ATAD2B: variants seen among roughly 807,000 people sequenced by gnomAD.
ATAD2B encodes the protein ATPase family AAA domain-containing protein 2B.
In ATAD2B, 40 loss-of-function variants were observed where a neutral mutation model predicts 167.6. The ratio of observed to expected loss-of-function variants is 0.24; its 90% CI spans 0.19 to 0.31. The LOEUF (loss-of-function observed/expected upper bound fraction) is 0.31, where lower values mean the gene tolerates loss of function less well. Among genes scored for constraint, ATAD2B ranks in the 10% least tolerant of loss-of-function variants. The pLI, the probability that ATAD2B is intolerant of heterozygous loss-of-function variation, is 1.00. For synonymous variants in ATAD2B, 579 were observed against 596.5 expected, an observed-to-expected ratio of 0.97 and a Z score of 0.43; for missense variants, 1,242 against 1,757.2, an observed-to-expected ratio of 0.71 and a Z score of 5.24.
At chr2:23,781,337 T>A (rs200033798) in intron 22 of ATAD2B, among the ~76,000 whole-genome samples, 1,534 of 114,014 alleles carry the variant, frequency 0.013, 7 homozygotes, top group Middle Eastern at 0.027. Flanking sequence ...CACAAAAAAA[T>A]AAATAAATAA....
At chr2:23,698,817 G>A in the ATAD2B span, among the ~76,000 whole-genome samples, 7 of 152,148 alleles carry the variant, frequency 4.6e-5, no homozygotes, top group Non-Finnish European at 1.5e-5. Context: ...GCTGACGGGA[G>A]GGCTCATGGC....
At chr2:23,807,815 TAAA>T (rs375966207) in intron 18 of ATAD2B, among the ~76,000 whole-genome samples, 14,708 of 119,224 alleles carry the variant, frequency 0.12, 952 homozygotes, top group Middle Eastern at 0.23. Flanking sequence ...GACTCCATCT[TAAA>T]AAAAAAAAAA....
At chr2:23,795,717 T>A (rs185337920) in intron 19 of ATAD2B, among the ~76,000 whole-genome samples, 150 of 148,688 alleles carry the variant, frequency 1.0e-3, no homozygotes, top group African/African-American at 3.6e-3. Context: ...CCATCTCTAC[T>A]AAAATACAAA....
intron 8 of ATAD2B, chr2:23,873,015 G>A: frequency 4.4e-6 from 3 of 686,416 alleles, no homozygotes; most frequent in East Asian, 2.6e-5. Context: ...AGGTGGCCAT[G>A]GCAGCGGGCT....
chr2:23,908,252 G>A (rs1372849762), intron 1 of ATAD2B, among the ~76,000 whole-genome samples: 3 of 151,892 alleles, frequency 2.0e-5, no homozygotes, highest in Non-Finnish European at 4.4e-5. Flanking sequence ...CTGACAAAGG[G>A]CTAATATCCA....
At chr2:23,848,637 T>C (rs1049796015) in intron 13 of ATAD2B, among the ~76,000 whole-genome samples, 3 of 152,138 alleles carry the variant, frequency 2.0e-5, no homozygotes, top group Non-Finnish European at 2.9e-5. Context: ...CTAAAGTTAC[T>C]ATGAAAATAA....
intron 22 of ATAD2B, among the ~76,000 whole-genome samples, chr2:23,767,284 G>A (rs767793674): frequency 2.0e-5 from 3 of 151,966 alleles, no homozygotes; most frequent in Non-Finnish European, 4.4e-5. Context: ...TTAGCCAATC[G>A]GAATTAGTTT....
At position 23,857,513 on chromosome 2, in the gene ATAD2B, AG is replaced by A; in HGVS notation, c.1480-11del. ...GTCTCATCAAATATGCCTAGTAAGA[AG>A]AAAACAAATAATATTTATTGTATTT... On this transcript the variant is annotated splice_polypyrimidine_tract_variant and intron_variant, in intron 12 of 27. Transcript: ENST00000238789. The A allele has an allele frequency of 8.3e-7, 1 of 1,209,830 alleles. No homozygotes were observed. The highest frequency in any genetic ancestry group is 1.6e-5 in the African/African-American group (1 of 62,414). The allele number at this position is 1,209,830 out of a possible 1,614,324, so 74.9% of individuals were successfully genotyped here. A position where few individuals can be genotyped will look rare whatever the true frequency, so the allele number is the denominator to read the frequency against.
intron 22 of ATAD2B, among the ~76,000 whole-genome samples, chr2:23,778,731 T>C (rs557167924): frequency 6.6e-6 from 1 of 152,298 alleles, no homozygotes; most frequent in East Asian, 1.9e-4. Context: ...CTTACAACCA[T>C]CCCATTTAAG....
At chr2:23,880,565 A>G (rs1697730505) in intron 7 of ATAD2B, 74 bp downstream of exon 7, 4 of 739,438 alleles carry the variant, frequency 5.4e-6, no homozygotes, top group Non-Finnish European at 8.6e-6. Context: ...TCTGTCTCAA[A>G]AAAAAAAAAA....
At chr2:23,848,438 C>T (rs1319675858) in intron 13 of ATAD2B, among the ~76,000 whole-genome samples, 1 of 152,106 alleles carries the variant, frequency 6.6e-6, no homozygotes, top group Non-Finnish European at 1.5e-5. Context: ...CGAGACTGCG[C>T]CACTACACTC....
chr2:23,898,674 A>C (rs1312227841), intron 1 of ATAD2B, among the ~76,000 whole-genome samples: 2 of 152,200 alleles, frequency 1.3e-5, no homozygotes, highest in East Asian at 3.8e-4. Context: ...TTTTGTCAAG[A>C]AGTATCTATA....
the ATAD2B span, among the ~76,000 whole-genome samples, chr2:23,728,034 A>G: frequency 6.6e-6 from 1 of 152,182 alleles, no homozygotes; most frequent in Non-Finnish European, 1.5e-5. Context: ...ACACAGAGTG[A>G]GCCCTAATGC....
intron 21 of ATAD2B, among the ~76,000 whole-genome samples, chr2:23,783,976 G>A (rs1452619031): frequency 6.6e-6 from 1 of 151,850 alleles, no homozygotes; most frequent in Non-Finnish European, 1.5e-5. Context: ...TTAATGTTTA[G>A]GATTACTTAT....
chr2:23,737,728 T>C, the ATAD2B span, among the ~76,000 whole-genome samples: 1 of 151,950 alleles, frequency 6.6e-6, no homozygotes, highest in African/African-American at 2.4e-5. Flanking sequence ...GAGAAGAAGG[T>C]TTCAGACGAT....
the ATAD2B span, among the ~76,000 whole-genome samples, chr2:23,722,722 C>G: frequency 6.6e-6 from 1 of 152,032 alleles, no homozygotes; most frequent in African/African-American, 2.4e-5. Flanking sequence ...GCCCAGGAAG[C>G]TCAAAGAACC....
the ATAD2B span, among the ~76,000 whole-genome samples, chr2:23,729,554 A>G: frequency 6.6e-6 from 1 of 152,124 alleles, no homozygotes; most frequent in Non-Finnish European, 1.5e-5. Flanking sequence ...TCATCAGAAT[A>G]TCCATTCTGT....
At chr2:23,922,594 G>A (rs1704101837) in intron 1 of ATAD2B, among the ~76,000 whole-genome samples, 1 of 151,354 alleles carries the variant, frequency 6.6e-6, no homozygotes, top group Admixed American at 6.6e-5. Flanking sequence ...AAATACATAG[G>A]GTACTCCTAC....
chr2:23,781,334 AAAT>A (rs1680013089), intron 22 of ATAD2B, among the ~76,000 whole-genome samples: 1 of 55,992 alleles, frequency 1.8e-5, no homozygotes, highest in African/African-American at 9.7e-5. Context: ...GACCACAAAA[AAAT>A]AAATAAATAA....
Sources: gnomAD v4.1 joint callset for allele counts (sites outside exome capture counted in the v4.1 genomes callset) on GRCh38, gnomAD v4.1.1 for gene constraint, MANE v1.5 for transcripts, NCBI Gene and HGNC (gene_info 2026-07-23, HGNC 2026-07-21) for gene names.